ARHGAP20: variants seen among roughly 807,000 people sequenced by gnomAD.
ARHGAP20 encodes Rho GTPase activating protein 20.
A neutral mutation model predicts 73.7 loss-of-function variants in ARHGAP20; 34 were observed. The observed-to-expected ratio is 0.46, with a 90% CI of 0.35 to 0.61. The LOEUF is 0.61. ARHGAP20 is among the 20% of genes least tolerant of loss of function. The pLI, the probability that ARHGAP20 is intolerant of heterozygous loss-of-function variation, is 0.00. For synonymous variants in ARHGAP20, 523 were observed against 518.2 expected (o/e 1.01, Z -0.13); for missense variants, 1,314 against 1,420.9 (o/e 0.92, Z 1.21).
chr11:110,589,276 T>G, intron 11 of ARHGAP20: 1 of 388,768 alleles, frequency 2.6e-6, no homozygotes, highest in South Asian at 1.1e-4. Context: ...GCAAAACAGA[T>G]GAGGTGACCT....
chr11:110,614,484 CTCTCTCT>C, intron 6 of ARHGAP20, 70 bp downstream of exon 6: 1 of 1,342,784 alleles, frequency 7.4e-7, no homozygotes, highest in African/African-American at 1.5e-5. Flanking sequence ...TGCCTGCCTG[CTCTCTCT>C]CTTCTTATCC....
chr11:110,694,888 C>T (rs1251687785), intron 1 of ARHGAP20, among the ~76,000 whole-genome samples: 1 of 151,544 alleles, frequency 6.6e-6, no homozygotes, highest in Non-Finnish European at 1.5e-5. Context: ...ACATAAATAC[C>T]ACCATCCCCA....
At chr11:110,643,754 T>C (rs970678762) in intron 2 of ARHGAP20, among the ~76,000 whole-genome samples, 2 of 152,054 alleles carry the variant, frequency 1.3e-5, no homozygotes, top group African/African-American at 4.8e-5. Context: ...TAGAGTATTC[T>C]GTGGGTGTCT....
At chr11:110,656,292 G>A (rs757750233) in intron 2 of ARHGAP20, among the ~76,000 whole-genome samples, 4 of 152,040 alleles carry the variant, frequency 2.6e-5, no homozygotes, top group African/African-American at 4.8e-5. Context: ...GTGTACCTGA[G>A]CCTCTGAGGT....
At chr11:110,588,172 A>C (rs1425832712) in intron 11 of ARHGAP20, among the ~76,000 whole-genome samples, 1 of 152,034 alleles carries the variant, frequency 6.6e-6, no homozygotes, top group African/African-American at 2.4e-5. Context: ...CACCATCATC[A>C]CAGCTGAGAA....
chr11:110,609,934 T>C (rs1040199544), intron 7 of ARHGAP20, among the ~76,000 whole-genome samples: 128 of 152,166 alleles, frequency 8.4e-4, no homozygotes, highest in Middle Eastern at 3.2e-3. Context: ...AATCCTTTCT[T>C]TTTATATAGT....
chr11:110,639,042 T>A (rs543964498), intron 2 of ARHGAP20, among the ~76,000 whole-genome samples: 3 of 152,012 alleles, frequency 2.0e-5, no homozygotes, highest in Non-Finnish European at 4.4e-5. Flanking sequence ...ACTGTCCAGG[T>A]TTTATTTCCT....
chr11:110,622,613 T>G (rs1717847119), intron 4 of ARHGAP20, among the ~76,000 whole-genome samples: 1 of 152,194 alleles, frequency 6.6e-6, no homozygotes, highest in African/African-American at 2.4e-5. Context: ...TTATATCTCT[T>G]TAGTAACTGA....
At chr11:110,666,614 A>C (rs1415375190) in intron 2 of ARHGAP20, among the ~76,000 whole-genome samples, 1 of 152,198 alleles carries the variant, frequency 6.6e-6, no homozygotes, top group Non-Finnish European at 1.5e-5. Flanking sequence ...TACAAATTGA[A>C]ACTTTGTGGC....
intron 2 of ARHGAP20, among the ~76,000 whole-genome samples, chr11:110,668,764 T>C (rs1303566839): frequency 6.6e-5 from 10 of 152,216 alleles, no homozygotes; most frequent in Admixed American, 6.5e-4. Flanking sequence ...ACCAACAAAT[T>C]CATGCAACTC....
At chr11:110,673,884 G>A (rs1668596646) in intron 2 of ARHGAP20, among the ~76,000 whole-genome samples, 1 of 151,846 alleles carries the variant, frequency 6.6e-6, no homozygotes, top group African/African-American at 2.4e-5. Context: ...TTTAGAGTCA[G>A]AGAGAAGTAA....
chr11:110,692,455 C>G (rs750860350), intron 1 of ARHGAP20, among the ~76,000 whole-genome samples: 8 of 152,042 alleles, frequency 5.3e-5, no homozygotes, highest in Non-Finnish European at 1.2e-4. Flanking sequence ...GAAATGTACC[C>G]ACTCTTGTAA....
intron 1 of ARHGAP20, among the ~76,000 whole-genome samples, chr11:110,707,603 T>C (rs1023955717): frequency 2.0e-5 from 3 of 152,090 alleles, no homozygotes; most frequent in Non-Finnish European, 4.4e-5. Flanking sequence ...AATGTGGCTA[T>C]AAAATAAAGA....
At chr11:110,621,849 C>G (rs1948636183) in intron 4 of ARHGAP20, among the ~76,000 whole-genome samples, 1 of 152,110 alleles carries the variant, frequency 6.6e-6, no homozygotes. Context: ...AGACTGTATT[C>G]TGTTATATTT....
chr11:110,632,695 T>C (rs1269699096), intron 2 of ARHGAP20, among the ~76,000 whole-genome samples: 2 of 152,196 alleles, frequency 1.3e-5, no homozygotes, highest in Non-Finnish European at 2.9e-5. Flanking sequence ...TGAGCCACCA[T>C]GCCCAGCCTT....
intron 2 of ARHGAP20, among the ~76,000 whole-genome samples, chr11:110,660,069 A>AAAAAAAAAAAAAAAAAAAAAAAAAAAAAC (rs1555097624): frequency 6.8e-6 from 1 of 146,934 alleles, no homozygotes; most frequent in African/African-American, 2.6e-5. Context: ...AACAAAAAAA[A>AAAAAAAAAAAAAAAAAAAAAAAAAAAAAC]AAAAAAAAAG....
In ARHGAP20 at chr11:110,645,302, G is replaced by A. The variant is rs149425342; in HGVS notation, c.189-14510C>T. On this transcript the variant is annotated intron_variant, in intron 2 of 14. Transcript: ENST00000683387. The stretch of plus-strand genomic sequence containing the variant: ...TGGGATTACAGACATAAACCACTGC[G>A]CCCAGCCAAACAGACACTTCTCAAA... Among the ~76,000 whole-genome samples, 758 of 152,078 alleles carry A rather than the reference G, an allele frequency of 5.0e-3. 3 individuals are homozygous for A. Among genetic ancestry groups the A allele is most frequent in the South Asian group, 0.021 (100 of 4,814 alleles).
intron 2 of ARHGAP20, among the ~76,000 whole-genome samples, chr11:110,677,058 T>C (rs189158044): frequency 6.6e-6 from 1 of 152,258 alleles, no homozygotes; most frequent in East Asian, 1.9e-4. Context: ...AAATACAAAA[T>C]ACAGAATGAA....
At chr11:110,675,050 C>T (rs1277117494) in intron 2 of ARHGAP20, among the ~76,000 whole-genome samples, 1 of 152,156 alleles carries the variant, frequency 6.6e-6, no homozygotes, top group Non-Finnish European at 1.5e-5. Context: ...TCAAATCTTA[C>T]TCTCACTTCT....
Sources: allele counts gnomAD v4.1 joint callset (sites outside exome capture counted in the v4.1 genomes callset), GRCh38; gene constraint gnomAD v4.1.1; transcripts MANE v1.5; gene names NCBI Gene and HGNC (gene_info 2026-07-23, HGNC 2026-07-21).